The following TENM1 variants were observed in gnomAD, a reference collection of about 807,000 sequenced individuals.
TENM1 encodes the protein teneurin transmembrane protein 1, also known as teneurin-1.
TENM1 carries 35 observed loss-of-function variants against 174.8 expected under a neutral mutation model. That is an observed-to-expected ratio of 0.20 (90% confidence interval 0.15 to 0.27). The LOEUF (loss-of-function observed/expected upper bound fraction) is 0.27, where lower values mean the gene tolerates loss of function less well. TENM1 is among the 10% of genes least tolerant of loss of function. The pLI is 1.00. For synonymous variants in TENM1, 781 were observed against 798.7 expected, an observed-to-expected ratio of 0.98 and a Z score of 0.37; for missense variants, 1,633 against 2,130.1, an observed-to-expected ratio of 0.77 and a Z score of 4.59.
At chrX:125,191,357 A>C in the TENM1 span, among the ~76,000 whole-genome samples, 1 of 112,135 alleles carries the variant, frequency 8.9e-6, no homozygotes, top group African/African-American at 3.2e-5. Context: ...GTGAGCAAAA[A>C]AGAAACAAAA....
At chrX:124,873,637 G>T in intron 3 of TENM1, among the ~76,000 whole-genome samples, 1 of 111,483 alleles carries the variant, frequency 9.0e-6, no homozygotes, top group East Asian at 2.8e-4. Context: ...CTGGGTCATA[G>T]ACAAGAAAAT....
chrX:124,721,091 T>C (rs2053299262), intron 4 of TENM1, among the ~76,000 whole-genome samples: 2 of 111,985 alleles, frequency 1.8e-5, no homozygotes, highest in African/African-American at 3.2e-5. Context: ...CATCTGACTA[T>C]TGAGGAAAAT....
chrX:124,664,073 G>C (rs1031222358), intron 6 of TENM1, among the ~76,000 whole-genome samples: 3 of 111,461 alleles, frequency 2.7e-5, no homozygotes, highest in Non-Finnish European at 5.6e-5. Context: ...ACTGTAATTC[G>C]CCATCAATCT....
upstream of TENM1, chrX:124,963,824 G>A (rs1416945678): frequency 2.2e-6 from 2 of 893,397 alleles, no homozygotes; most frequent in African/African-American, 2.0e-5. Context: ...AGTCCTGGAA[G>A]AGAAAGGGAA....
At chrX:125,191,532 T>C in the TENM1 span, among the ~76,000 whole-genome samples, 1 of 111,113 alleles carries the variant, frequency 9.0e-6, no homozygotes, top group African/African-American at 3.3e-5. Context: ...TAGGCCACTA[T>C]GATGAAGGAA....
At chrX:124,482,055 G>T in intron 21 of TENM1, 91 bp from the exon 25 acceptor site, 1 of 507,382 alleles carries the variant, frequency 2.0e-6, no homozygotes, top group South Asian at 3.6e-5. Flanking sequence ...AAAATCTTTT[G>T]ATAGATGAGT....
intron 3 of TENM1, among the ~76,000 whole-genome samples, chrX:124,875,654 T>A (rs1373281501): frequency 9.1e-6 from 1 of 109,488 alleles, no homozygotes; most frequent in African/African-American, 3.3e-5. Context: ...GGTGGGAGAA[T>A]GGCTTGAGCT....
At chrX:124,825,585 G>A (rs893741615) in intron 3 of TENM1, among the ~76,000 whole-genome samples, 3 of 111,889 alleles carry the variant, frequency 2.7e-5, no homozygotes, top group Non-Finnish European at 1.9e-5. Flanking sequence ...TAATATCCAT[G>A]ATTGAAAATA....
the TENM1 span, among the ~76,000 whole-genome samples, chrX:125,080,873 C>T: frequency 2.7e-5 from 3 of 110,813 alleles, no homozygotes; most frequent in Admixed American, 9.7e-5. Context: ...GGAGGTATCC[C>T]GGGCTCTTAT....
chrX:124,565,952 T>C (rs1475392296), intron 11 of TENM1, among the ~76,000 whole-genome samples: 1 of 112,405 alleles, frequency 8.9e-6, no homozygotes, highest in Non-Finnish European at 1.9e-5. Flanking sequence ...GCCAAACTGA[T>C]TCTGAGAAGT....
At chrX:124,380,700 C>A in exon 32 of TENM1, 2 of 1,211,232 alleles carry the variant, frequency 1.7e-6, no homozygotes, top group Non-Finnish European at 2.2e-6. Context: ...GCCCTAATCC[C>A]CTCTTCCCCC....
chrX:125,188,288 G>A, the TENM1 span, among the ~76,000 whole-genome samples: 6 of 110,835 alleles, frequency 5.4e-5, no homozygotes, highest in Admixed American at 9.6e-5. Context: ...AGGCTGCAGT[G>A]AGCTGTGAGG....
chrX:124,561,089 T>C (rs2048809361), intron 14 of TENM1, among the ~76,000 whole-genome samples: 1 of 112,202 alleles, frequency 8.9e-6, no homozygotes, highest in Non-Finnish European at 1.9e-5. Flanking sequence ...CTGAAAGGTA[T>C]AAAGTGCTAC....
the TENM1 span, among the ~76,000 whole-genome samples, chrX:125,139,337 A>C: frequency 9.0e-6 from 1 of 111,158 alleles, no homozygotes; most frequent in Non-Finnish European, 1.9e-5. Flanking sequence ...TCATCCGTGA[A>C]GTATAGGGGA....
chrX:125,106,796 T>TTTA, the TENM1 span, among the ~76,000 whole-genome samples: 19,359 of 111,269 alleles, frequency 0.17, 1,690 homozygotes, highest in East Asian at 0.45. Context: ...GAAAACAACC[T>TTTA]TTAATGTGAT....
intron 6 of TENM1, among the ~76,000 whole-genome samples, chrX:124,660,261 G>A (rs1159398236): frequency 9.1e-6 from 1 of 109,458 alleles, no homozygotes; most frequent in African/African-American, 3.3e-5. Flanking sequence ...TGTAGTCCCA[G>A]CTACTCGGGA....
intron 25 of TENM1, among the ~76,000 whole-genome samples, chrX:124,416,863 C>A (rs1437137159): frequency 9.0e-6 from 1 of 111,481 alleles, no homozygotes; most frequent in Non-Finnish European, 1.9e-5. Flanking sequence ...ATGCAATTAG[C>A]AATCTTACAA....
chrX:125,065,621 C>T, the TENM1 span, among the ~76,000 whole-genome samples: 1 of 112,077 alleles, frequency 8.9e-6, no homozygotes, highest in African/African-American at 3.2e-5. Context: ...GCGTCTTGAC[C>T]TTGATAGAAC....
chrX:124,651,217 A>G (rs2051301074), intron 8 of TENM1, among the ~76,000 whole-genome samples: 1 of 111,833 alleles, frequency 8.9e-6, no homozygotes, highest in African/African-American at 3.3e-5. Context: ...CTTTATTCAC[A>G]CAAAGGGTCA....
Sources: gnomAD v4.1 joint callset for allele counts (sites outside exome capture counted in the v4.1 genomes callset) on GRCh38, gnomAD v4.1.1 for gene constraint, MANE v1.5 for transcripts, NCBI Gene and HGNC (gene_info 2026-07-23, HGNC 2026-07-21) for gene names.